Variants in DLGAP1 observed in about 807,000 individuals in gnomAD.
The protein encoded by DLGAP1 is DLG associated protein 1.
Under a neutral mutation model 90.8 loss-of-function variants are expected in DLGAP1, and 11 were observed. The ratio of observed to expected loss-of-function variants is 0.12; its 90% CI spans 0.08 to 0.20. DLGAP1 has a LOEUF of 0.20. DLGAP1 is among the 10% of genes least tolerant of loss of function. The probability of loss-of-function intolerance (pLI) is 1.00; values close to 1 mark genes in which losing one functional copy is unlikely to be tolerated. For missense variants in DLGAP1, 1,050 were observed against 1,333.8 expected (o/e 0.79, Z 3.31); for synonymous variants, 558 against 540.7 (o/e 1.03, Z -0.44).
intron 3 of DLGAP1, among the ~76,000 whole-genome samples, chr18:3,941,705 T>C (rs575884187): frequency 6.6e-6 from 1 of 152,154 alleles, no homozygotes. Flanking sequence ...CATAACATTA[T>C]ATTGTAATTA....
intron 2 of DLGAP1, among the ~76,000 whole-genome samples, chr18:4,039,752 C>G (rs1420591820): frequency 6.6e-6 from 1 of 152,080 alleles, no homozygotes; most frequent in Non-Finnish European, 1.5e-5. Flanking sequence ...AAAGAATATA[C>G]AAATAAAAGC....
intron 3 of DLGAP1, among the ~76,000 whole-genome samples, chr18:3,934,564 C>A (rs887625461): frequency 6.6e-6 from 1 of 152,060 alleles, no homozygotes; most frequent in African/African-American, 2.4e-5. Flanking sequence ...GTATTCTATG[C>A]CTTCAAAACA....
At chr18:4,006,669 A>G (rs2149086125) in intron 2 of DLGAP1, among the ~76,000 whole-genome samples, 1 of 148,270 alleles carries the variant, frequency 6.7e-6, no homozygotes, top group African/African-American at 2.5e-5. Flanking sequence ...TTTTTGAGAC[A>G]GGGTATTGCT....
At chr18:3,988,056 T>C (rs1207808843) in intron 3 of DLGAP1, among the ~76,000 whole-genome samples, 1 of 152,080 alleles carries the variant, frequency 6.6e-6, no homozygotes, top group Non-Finnish European at 1.5e-5. Context: ...CAACTCACCA[T>C]AAGGTAGAAT....
intron 11 of DLGAP1, among the ~76,000 whole-genome samples, chr18:3,505,098 T>G (rs1335944060): frequency 6.7e-6 from 1 of 150,336 alleles, no homozygotes; most frequent in Non-Finnish European, 1.5e-5. Flanking sequence ...GGTCTGGTTC[T>G]GACCAATCAT....
chr18:3,668,138 C>T (rs1295590634), intron 7 of DLGAP1, among the ~76,000 whole-genome samples: 5 of 152,164 alleles, frequency 3.3e-5, no homozygotes, highest in Non-Finnish European at 2.9e-5. Flanking sequence ...TCCTCCTCCC[C>T]TTCTCTTGTT....
intron 4 of DLGAP1, among the ~76,000 whole-genome samples, chr18:3,819,472 A>G (rs749365023): frequency 1.3e-5 from 2 of 152,184 alleles, no homozygotes; most frequent in Non-Finnish European, 2.9e-5. Context: ...GAGAAGAAAA[A>G]CAAGAAATGA....
At chr18:3,600,630 A>G (rs911367689) in intron 7 of DLGAP1, among the ~76,000 whole-genome samples, 5 of 149,804 alleles carry the variant, frequency 3.3e-5, no homozygotes, top group South Asian at 4.2e-4. Context: ...AATGATGTCT[A>G]TATACATTAC....
At chr18:4,124,895 C>T (rs1174876690) in intron 2 of DLGAP1, among the ~76,000 whole-genome samples, 2 of 152,130 alleles carry the variant, frequency 1.3e-5, no homozygotes, top group Non-Finnish European at 2.9e-5. Context: ...CTTTGACAGG[C>T]CTTCCTGGAG....
intron 3 of DLGAP1, among the ~76,000 whole-genome samples, chr18:3,954,964 A>C (rs1452504219): frequency 1.3e-5 from 2 of 152,180 alleles, no homozygotes; most frequent in Non-Finnish European, 2.9e-5. Context: ...CAAGGAGATA[A>C]AGGCAGCTGG....
At chr18:3,798,803 A>C (rs1459367446) in intron 5 of DLGAP1, among the ~76,000 whole-genome samples, 1 of 152,226 alleles carries the variant, frequency 6.6e-6, no homozygotes, top group Non-Finnish European at 1.5e-5. Context: ...AATAATAGAT[A>C]ATTAGAACCA....
At position 3,726,303 on chromosome 18, in the gene DLGAP1, A is replaced by G. The variant is rs544976860; in HGVS notation, c.1591+2832T>C. Reference sequence around the variant, plus strand: ...TGAGTGTATTCTTTCAAAAATTATTAGGTCCTGTAAGAAAATCAATTTTCT... The same window carrying G: ...TGAGTGTATTCTTTCAAAAATTATTGGGTCCTGTAAGAAAATCAATTTTCT... On this transcript the variant is annotated intron_variant, in intron 7 of 12. Transcript: ENST00000315677. Among the ~76,000 whole-genome samples the G allele has an allele frequency of 4.6e-5, 7 of 152,320 alleles. No homozygotes were observed. In the East Asian group the frequency reaches 1.4e-3, roughly 29 times the overall value.
At chr18:3,842,902 C>A (rs1211845446) in intron 4 of DLGAP1, among the ~76,000 whole-genome samples, 3 of 152,132 alleles carry the variant, frequency 2.0e-5, no homozygotes, top group Non-Finnish European at 4.4e-5. Context: ...TCCAGTGATA[C>A]TTTAGTTCTC....
At chr18:3,841,083 T>C (rs2068688419) in intron 4 of DLGAP1, among the ~76,000 whole-genome samples, 1 of 152,218 alleles carries the variant, frequency 6.6e-6, no homozygotes, top group Non-Finnish European at 1.5e-5. Flanking sequence ...TGGTAACAAG[T>C]AGCAGTTTGC....
chr18:3,577,313 C>A (rs952145952), intron 8 of DLGAP1, among the ~76,000 whole-genome samples: 1 of 152,206 alleles, frequency 6.6e-6, no homozygotes, highest in Non-Finnish European at 1.5e-5. Context: ...CCTTTTCCTT[C>A]TTGTTCCTTT....
chr18:4,434,811 G>A (rs2083364782), intron 1 of DLGAP1, among the ~76,000 whole-genome samples: 1 of 152,198 alleles, frequency 6.6e-6, no homozygotes. Context: ...GGTCTGCCAT[G>A]CAGAAAAGGA....
intron 2 of DLGAP1, among the ~76,000 whole-genome samples, chr18:4,081,867 T>C (rs6506177): frequency 0.59 from 89,230 of 151,996 alleles, 26,931 homozygotes; most frequent in Non-Finnish European, 0.64. Context: ...TCATTTACTA[T>C]GCTCCTAAAA....
At chr18:3,913,698 C>A (rs1472686449) in intron 3 of DLGAP1, among the ~76,000 whole-genome samples, 2 of 152,118 alleles carry the variant, frequency 1.3e-5, no homozygotes, top group Non-Finnish European at 2.9e-5. Context: ...TAATATTGCT[C>A]CTTAAAACTA....
chr18:3,888,984 G>C (rs2062615625), intron 3 of DLGAP1, among the ~76,000 whole-genome samples: 1 of 152,100 alleles, frequency 6.6e-6, no homozygotes, highest in Non-Finnish European at 1.5e-5. Flanking sequence ...AGGAGAATGT[G>C]GTTACCTTAA....
Sources: allele counts gnomAD v4.1 joint callset (sites outside exome capture counted in the v4.1 genomes callset), GRCh38; gene constraint gnomAD v4.1.1; transcripts MANE v1.5; gene names NCBI Gene and HGNC (gene_info 2026-07-23, HGNC 2026-07-21).